PATJ: variants seen among roughly 807,000 people sequenced by gnomAD.
PATJ encodes inaD-like protein.
Under a neutral mutation model 224.9 loss-of-function variants are expected in PATJ, and 190 were observed. The ratio of observed to expected loss-of-function variants is 0.84; its 90% CI spans 0.75 to 0.95. The LOEUF (loss-of-function observed/expected upper bound fraction) is 0.95, where lower values mean the gene tolerates loss of function less well. Ranked by LOEUF, PATJ falls within the 40% of genes least tolerant of loss-of-function variation. The pLI, the probability that PATJ is intolerant of heterozygous loss-of-function variation, is 0.00. For synonymous variants in PATJ, 769 were observed against 820.3 expected (o/e 0.94, Z 1.07); for missense variants, 2,121 against 2,270.3 (o/e 0.93, Z 1.34).
rs1194793127 is a variant in PATJ, at chr1:61,856,378, T to G, written c.2322+139T>G. On this transcript the variant is annotated intron_variant, in intron 18 of 43. Coordinates refer to ENST00000642238, the MANE Select transcript of PATJ (RefSeq NM_001350145.3). ...GTGTGACCTTGGGCAGGTTTCTTAA[T>G]GTCCTTGACTTACAATATCAGAAAA... 4 of 654,818 alleles carry G rather than the reference T, an allele frequency of 6.1e-6. No individual in the cohort carries two copies. In the East Asian group the frequency reaches 8.1e-5, roughly 13 times the overall value. 40.6% of individuals were successfully genotyped at this position (654,818 alleles called of 1,614,324 possible).
intron 7 of PATJ, among the ~76,000 whole-genome samples, chr1:61,776,405 G>A (rs1646913741): frequency 6.6e-6 from 1 of 152,080 alleles, no homozygotes; most frequent in African/African-American, 2.4e-5. Context: ...CAAAGGCAGT[G>A]GCCACAAACC....
intron 17 of PATJ, among the ~76,000 whole-genome samples, chr1:61,838,718 A>G (rs1450669347): frequency 6.6e-6 from 1 of 152,056 alleles, no homozygotes. Flanking sequence ...AAACTTGGTT[A>G]TAAGTTTTTA....
chr1:62,085,573 T>C (rs986474781), intron 33 of PATJ, among the ~76,000 whole-genome samples: 8 of 152,178 alleles, frequency 5.3e-5, no homozygotes, highest in African/African-American at 1.9e-4. Context: ...CAGGCCAGCA[T>C]GGTAACCGAG....
chr1:61,843,660 C>T (rs1661461661), intron 17 of PATJ, among the ~76,000 whole-genome samples: 1 of 149,508 alleles, frequency 6.7e-6, no homozygotes, highest in South Asian at 2.1e-4. Context: ...TCAGAGGCTG[C>T]AGTGAGCTGC....
intron 1 of PATJ, among the ~76,000 whole-genome samples, chr1:61,743,135 C>T (rs1159950027): frequency 1.3e-5 from 2 of 152,240 alleles, no homozygotes; most frequent in Non-Finnish European, 2.9e-5. Flanking sequence ...GGCGCCTGGT[C>T]ATCCCGTAGC....
intron 15 of PATJ, among the ~76,000 whole-genome samples, chr1:61,826,223 C>T (rs1282256029): frequency 6.6e-6 from 1 of 152,124 alleles, no homozygotes; most frequent in Non-Finnish European, 1.5e-5. Context: ...GAGAGTGGTT[C>T]CCAGGAATAG....
chr1:62,035,111 C>T (rs1187353404), intron 29 of PATJ, among the ~76,000 whole-genome samples: 1 of 152,164 alleles, frequency 6.6e-6, no homozygotes, highest in African/African-American at 2.4e-5. Flanking sequence ...AAATACTGTT[C>T]TTTACCCACA....
intron 17 of PATJ, among the ~76,000 whole-genome samples, chr1:61,840,348 A>T (rs1660882705): frequency 6.6e-6 from 1 of 152,054 alleles, no homozygotes; most frequent in Non-Finnish European, 1.5e-5. Context: ...AGAAAAATTC[A>T]AAGGTGTATA....
intron 14 of PATJ, among the ~76,000 whole-genome samples, chr1:61,822,735 G>A (rs1358646074): frequency 6.6e-6 from 1 of 152,174 alleles, no homozygotes; most frequent in African/African-American, 2.4e-5. Flanking sequence ...CATTTCCAGG[G>A]AATCCGGAAG....
intron 19 of PATJ, 36 bp from the exon 20 acceptor site, chr1:61,864,202 C>A: frequency 1.3e-6 from 2 of 1,543,148 alleles, no homozygotes; most frequent in Non-Finnish European, 1.7e-6. Flanking sequence ...TCAGGACAGG[C>A]GTAACTTCAC....
intron 27 of PATJ, among the ~76,000 whole-genome samples, chr1:61,967,087 C>T (rs1682280877): frequency 6.6e-6 from 1 of 152,142 alleles, no homozygotes; most frequent in African/African-American, 2.4e-5. Context: ...CTTATTTTAC[C>T]CAGCTCCTAT....
chr1:61,864,012 C>T (rs1359004003), intron 19 of PATJ, among the ~76,000 whole-genome samples: 1 of 152,162 alleles, frequency 6.6e-6, no homozygotes, highest in African/African-American at 2.4e-5. Flanking sequence ...TTCACCTTGC[C>T]AAGGGCAGAT....
rs1277059173 is a variant in PATJ, at chr1:62,117,152, G to T, written c.4824G>T (p.Gln1608His). 1 of 1,614,054 alleles carries T rather than the reference G, an allele frequency of 6.2e-7. No individual in the cohort carries two copies. The change falls in exon 37 of 44, where the codon CAG (glutamine) becomes CAT (histidine). Residue 1608 changes from glutamine to histidine, a missense_variant. Physicochemically the swap from Gln to His is conservative, Grantham distance 24 (BLOSUM62 0). Transcript: ENST00000642238. ...TILKCAQGLV[Q>H]LEIGRLRAGS... ...CCAAGTGTGCACAGGGACTTGTGCA[G>T]CTAGAGATTGGAAGACTCCGAGCTG... is the stretch of plus-strand genomic sequence containing the variant.
chr1:62,051,016 A>G lies in PATJ; in HGVS notation c.4083A>G (p.Glu1361=). Residue 1361 remains glutamate, a synonymous_variant, in exon 31 of 44, where the codon GAA becomes GAG. Transcript: ENST00000642238. The part of the protein sequence containing the change: ...PISSEEDGSV[E]VGIKQLPESE... Reference sequence around the variant, plus strand: ...GTAGTGAGGAAGATGGCAGCGTCGAAGTTGGTATTAAACAATTGCCTGAAA... The same window carrying G: ...GTAGTGAGGAAGATGGCAGCGTCGAGGTTGGTATTAAACAATTGCCTGAAA... The G allele has an allele frequency of 6.2e-7, 1 of 1,614,012 alleles. No homozygotes were observed. Among genetic ancestry groups the G allele is most frequent in the Non-Finnish European group, 8.5e-7 (1 of 1,179,876 alleles).
chr1:62,065,694 C>T (rs1425942205), intron 31 of PATJ, among the ~76,000 whole-genome samples: 4 of 152,176 alleles, frequency 2.6e-5, no homozygotes, highest in African/African-American at 9.7e-5. Flanking sequence ...GAGACTGATT[C>T]AACTTGAAAT....
chr1:61,860,833 TAAAAA>T (rs760245834), intron 18 of PATJ, among the ~76,000 whole-genome samples: 2 of 133,512 alleles, frequency 1.5e-5, no homozygotes, highest in Non-Finnish European at 3.3e-5. Flanking sequence ...TGTCTCAATT[TAAAAA>T]AAAAAAAAAA....
chr1:62,084,185 T>C (rs891520330), intron 32 of PATJ, among the ~76,000 whole-genome samples: 2 of 151,830 alleles, frequency 1.3e-5, no homozygotes, highest in Non-Finnish European at 2.9e-5. Flanking sequence ...ACCCAGGAGG[T>C]GGAGGTTGCA....
At chr1:62,030,625 A>G (rs1649057073) in intron 29 of PATJ, among the ~76,000 whole-genome samples, 2 of 152,214 alleles carry the variant, frequency 1.3e-5, no homozygotes, top group South Asian at 4.1e-4. Context: ...CAAAACAAAA[A>G]TATAGACTAT....
intron 22 of PATJ, among the ~76,000 whole-genome samples, chr1:61,887,697 C>A (rs1416074690): frequency 6.6e-6 from 1 of 151,980 alleles, no homozygotes. Flanking sequence ...AGATTCCATG[C>A]AGCATGATGG....
Sources: allele counts gnomAD v4.1 joint callset (sites outside exome capture counted in the v4.1 genomes callset), GRCh38; gene constraint gnomAD v4.1.1; transcripts MANE v1.5; gene names NCBI Gene and HGNC (gene_info 2026-07-23, HGNC 2026-07-21).